Variants in MYOM3 observed in about 807,000 individuals in gnomAD.
MYOM3 encodes the protein myomesin 3, also known as myomesin-3.
Under a neutral mutation model 191.7 loss-of-function variants are expected in MYOM3, and 155 were observed. The observed-to-expected ratio is 0.81, with a 90% confidence interval of 0.71 to 0.92. The LOEUF (loss-of-function observed/expected upper bound fraction) is 0.92. Among genes scored for constraint, MYOM3 ranks in the 40% least tolerant of loss-of-function variants. MYOM3 has a pLI of 0.00. For missense variants in MYOM3, 1,889 were observed against 1,890.6 expected (o/e 1.00, Z 0.02); for synonymous variants, 757 against 762.9 (o/e 0.99, Z 0.13).
At chr1:24,079,318 A>T (rs1643639703) in intron 20 of MYOM3, among the ~76,000 whole-genome samples, 1 of 151,036 alleles carries the variant, frequency 6.6e-6, no homozygotes, top group South Asian at 2.1e-4. Flanking sequence ...CTCCCACTTC[A>T]GCCTCCCGAG....
rs542846012 is a variant in MYOM3 at position 24,061,947 on chromosome 1, T to C, written c.3933A>G (p.Gln1311=). ...TGCAGACATAGGTGGATGGCTCACC[T>C]TGCCCTGAGAGATCTGTTGAGAGCT... is the stretch of plus-strand genomic sequence containing the variant. The part of the protein sequence containing the change: ...VRQLSTDLSG[Q]AFEDAMAEHQ... The change falls in exon 33 of 37, where the codon CAA becomes CAG. Residue 1311 remains glutamine (Q), a splice_region_variant and synonymous_variant. Transcript: ENST00000374434. The C allele has an allele frequency of 1.9e-6, 3 of 1,614,154 alleles. No individual in the cohort carries two copies. The East Asian group carries it at 6.7e-5, about 36-fold the overall frequency.
intron 6 of MYOM3, 71 bp downstream of exon 6, chr1:24,099,609 T>A: frequency 8.1e-7 from 1 of 1,234,354 alleles, no homozygotes; most frequent in East Asian, 2.3e-5. Flanking sequence ...GAGGAAGGGT[T>A]TGGGATCCTG....
In MYOM3 at chr1:24,087,308, C is replaced by T. The variant is rs972443559; in HGVS notation, c.1615-481G>A. Among the ~76,000 whole-genome samples the T allele has an allele frequency of 6.6e-6, 1 of 152,162 alleles. No individual in the cohort carries two copies. Among genetic ancestry groups the T allele is most frequent in the African/African-American group, 2.4e-5 (1 of 41,444 alleles). The stretch of plus-strand genomic sequence containing the variant: ...TCTCAATGGCCTCTTGACTGGTCTC[C>T]CCTCCATTTCTACCTATAACCCCCT... On this transcript the variant is annotated intron_variant, in intron 14 of 36. Transcript: ENST00000374434. This position sits in a 1 kb window ranked among gnomAD's most constrained non-coding sequence, Gnocchi z 4.5.
At position 24,089,615 on chromosome 1, in the gene MYOM3, G is replaced by A. The variant is rs773656547; in HGVS notation, c.1537C>T (p.Arg513Ter). The change falls in exon 14 of 37, where the codon CGA becomes TGA. Residue 513 changes from arginine to a stop codon, truncating the protein, a stop_gained. Coordinates refer to ENST00000374434, the MANE Select transcript of MYOM3 (RefSeq NM_152372.4). LOFTEE classifies it high-confidence loss of function. ...CAGGCCAGAACCACATAGGCCTCTC[G>A]GATCTCGCTGGCATGGACATTGGTT... is the stretch of plus-strand genomic sequence containing the variant. ...PPTNVHASEI[R>*]EAYVVLAWEE... 26 of 1,594,376 alleles carry A rather than the reference G, an allele frequency of 1.6e-5. No individual in the cohort carries two copies. The highest frequency in any genetic ancestry group is 2.1e-5 in the Non-Finnish European group (25 of 1,170,820).
At chr1:24,073,920 A>G (rs1010351537) in intron 23 of MYOM3, among the ~76,000 whole-genome samples, 1 of 151,052 alleles carries the variant, frequency 6.6e-6, no homozygotes, top group African/African-American at 2.4e-5. Context: ...AAAAATGTAA[A>G]TTTCACTGGG....
Position 24,088,008 on chromosome 1 carries a change from T to C in MYOM3, c.1615-1181A>G, listed in dbSNP as rs141740178. 1.4e-3 allele frequency among the ~76,000 whole-genome samples: 215 copies of C among 152,226 alleles called. 3 individuals carry two copies. In the East Asian group the frequency reaches 0.036, roughly 25 times the overall value. ...CAAAAGTCCTGCATCTAATAACTGG[T>C]GGATATAGTATTAAACTTCACTCAG... On this transcript the variant is annotated intron_variant, in intron 14 of 36. Coordinates refer to ENST00000374434, the MANE Select transcript of MYOM3 (RefSeq NM_152372.4).
chr1:24,066,188 A>AT (rs1269393272), intron 28 of MYOM3, 187 bp from the exon 29 acceptor site: 1 of 717,640 alleles, frequency 1.4e-6, no homozygotes, highest in South Asian at 1.5e-5. Context: ...GCCTTACTCT[A>AT]TTTTTCTTGG....
chr1:24,107,033 C>A, intron 4 of MYOM3, 40 bp downstream of exon 4: 1 of 1,558,714 alleles, frequency 6.4e-7, no homozygotes, highest in East Asian at 2.3e-5. Flanking sequence ...TGGTGCGTCG[C>A]AGGTCCCAGG....
At chr1:24,095,298 C>T (rs1182231203) in intron 8 of MYOM3, 144 bp downstream of exon 8, 6 of 794,356 alleles carry the variant, frequency 7.6e-6, no homozygotes, top group Non-Finnish European at 1.2e-5. Context: ...AAGTCAGGTG[C>T]AGGTATTACC....
chr1:24,089,673 CAG>C lies in MYOM3; in HGVS notation c.1487-10_1487-9del. On this transcript the variant is annotated splice_polypyrimidine_tract_variant and intron_variant, in intron 13 of 36. Coordinates refer to ENST00000374434, the MANE Select transcript of MYOM3 (RefSeq NM_152372.4). ...AGGGGATGGTCACAGTATCTGAAATCAGAGTCACCCGGGACCGAGATGGTTGG... is the reference window on the plus strand; with the variant it reads ...AGGGGATGGTCACAGTATCTGAAATCAGTCACCCGGGACCGAGATGGTTGG... The C allele has an allele frequency of 1.3e-6, 2 of 1,572,452 alleles. No homozygotes were observed. The highest frequency in any genetic ancestry group is 1.3e-5 in the African/African-American group (1 of 74,514).
At chr1:24,081,275 G>T in intron 19 of MYOM3, 55 bp downstream of exon 19, 1 of 1,605,292 alleles carries the variant, frequency 6.2e-7, no homozygotes, top group Non-Finnish European at 8.5e-7. Flanking sequence ...TCATTGGGTA[G>T]GTTTGGGAAG....
chr1:24,086,934 C>G, intron 14 of MYOM3, 107 bp from the exon 15 acceptor site: 2 of 1,214,076 alleles, frequency 1.6e-6, no homozygotes, highest in Non-Finnish European at 2.3e-6. Flanking sequence ...TCATGATCCT[C>G]TATACTCAGC....
At position 24,077,277 on chromosome 1, in the gene MYOM3, C is replaced by A. The variant is rs114841857; in HGVS notation, c.2587-1004G>T. Among the ~76,000 whole-genome samples, 397 of 152,338 alleles carry A rather than the reference C, an allele frequency of 2.6e-3. 2 individuals carry two copies. The highest frequency in any genetic ancestry group is 8.9e-3 in the African/African-American group (370 of 41,584). On this transcript the variant is annotated intron_variant, in intron 20 of 36. Coordinates refer to ENST00000374434, the MANE Select transcript of MYOM3 (RefSeq NM_152372.4). ...TCCCCCAGTCTGTCTTTCCCTCTGC[C>A]AATCTGATGATGTGTACATCTTTTA...
rs1362063025 is a variant in MYOM3, at chr1:24,111,524, C to T, written c.-19+507G>A. Among the ~76,000 whole-genome samples the T allele has an allele frequency of 1.3e-5, 2 of 152,198 alleles. No individual in the cohort carries two copies. The highest frequency in any genetic ancestry group is 2.9e-5 in the Non-Finnish European group (2 of 68,026). The stretch of plus-strand genomic sequence containing the variant: ...TCATGAGCTGAGGCAACTCCTTTCC[C>T]GTCTGGGCCTCGGTTTCCTGTCAGG... On this transcript the variant is annotated intron_variant, in intron 1 of 36. Transcript: ENST00000374434. This position sits in a 1 kb window ranked among gnomAD's most constrained non-coding sequence, Gnocchi z 4.7.
rs1391563136 is a variant in MYOM3, at chr1:24,086,771, G to T, written c.1671C>A (p.Ser557=). The T allele has an allele frequency of 6.2e-7, 1 of 1,614,144 alleles. No homozygotes were observed. The highest frequency in any genetic ancestry group is 8.5e-7 in the Non-Finnish European group (1 of 1,180,014). The change falls in exon 15 of 37, where the codon TCC becomes TCA. Residue 557 remains serine (S), a synonymous_variant. Transcript: ENST00000374434. ...EAISSESPVR[S]PRFAVLDLEK... ...CCAGGTCCAGAACGGCGAATCTCGG[G>T]GATCTCACAGGGCTTTCCGAGCTGA...
chr1:24,074,060 C>T, intron 23 of MYOM3, 100 bp downstream of exon 23: 1 of 852,200 alleles, frequency 1.2e-6, no homozygotes, highest in Non-Finnish European at 1.9e-6. Context: ...TGGAAATTGC[C>T]ACTTTACTCA....
rs565518096 is a variant in MYOM3 at position 24,090,366 on chromosome 1, G to C, written c.1433-248C>G. Among the ~76,000 whole-genome samples the C allele has an allele frequency of 5.3e-5, 8 of 152,286 alleles. No individual in the cohort carries two copies. In the East Asian group the frequency reaches 1.5e-3, roughly 29 times the overall value. On this transcript the variant is annotated intron_variant, in intron 12 of 36. Coordinates refer to ENST00000374434, the MANE Select transcript of MYOM3 (RefSeq NM_152372.4). ...GACAAGTGGAGACAGAGAGGAGGAG[G>C]GAGGTGCCTGGCGCTGGGCACCCTG... is the stretch of plus-strand genomic sequence containing the variant.
chr1:24,063,288 AT>A lies in MYOM3; in HGVS notation c.3662-55del. 1.3e-6 allele frequency: 2 copies of A among 1,516,482 alleles called. No individual in the cohort carries two copies. Among genetic ancestry groups the A allele is most frequent in the Non-Finnish European group, 9.2e-7 (1 of 1,092,784 alleles). 93.9% of individuals were successfully genotyped at this position (1,516,482 alleles called of 1,614,324 possible). A position where few individuals can be genotyped will look rare whatever the true frequency, so the allele number is the denominator to read the frequency against. Reference sequence around the variant, plus strand: ...TTCCCTGAGGCCATTTAGGCATCAGATTTTGGGGCCGGCTTGTCTGCCTCTG... The same window carrying A: ...TTCCCTGAGGCCATTTAGGCATCAGATTTGGGGCCGGCTTGTCTGCCTCTG... On this transcript the variant is annotated intron_variant, in intron 31 of 36. Transcript: ENST00000374434. This position sits in a 1 kb window ranked among gnomAD's most constrained non-coding sequence, Gnocchi z 4.5.
Position 24,090,987 on chromosome 1 carries a change from G to C in MYOM3, c.1242C>G (p.Gly414=). The change falls in exon 12 of 37, where the codon GGC becomes GGG. Residue 414 remains glycine, a synonymous_variant. Coordinates refer to ENST00000374434, the MANE Select transcript of MYOM3 (RefSeq NM_152372.4). Reference sequence around the variant, plus strand: ...GGCAGGCGATCCATTCCCCAGACTCGCCCTGGCACCTGTTGGAGACAGGCC... The same window carrying C: ...GGCAGGCGATCCATTCCCCAGACTCCCCCTGGCACCTGTTGGAGACAGGCC... ...ITAYTIERCQ[G]ESGEWIACHE... The C allele has an allele frequency of 1.2e-6, 2 of 1,613,686 alleles. No homozygotes were observed. The highest frequency in any genetic ancestry group is 1.7e-6 in the Non-Finnish European group (2 of 1,179,976).
Sources: allele counts gnomAD v4.1 joint callset (sites outside exome capture counted in the v4.1 genomes callset), GRCh38; gene constraint gnomAD v4.1.1; non-coding constraint Gnocchi (gnomAD v3.1); transcripts MANE v1.5; gene names NCBI Gene and HGNC (gene_info 2026-07-23, HGNC 2026-07-21).